Variants in PDS5A observed in about 807,000 individuals in gnomAD.
The protein encoded by PDS5A is PDS5 cohesin associated factor A.
Under a neutral mutation model 167.1 loss-of-function variants are expected in PDS5A, and 42 were observed. The observed-to-expected ratio is 0.25, with a 90% CI of 0.20 to 0.33. The LOEUF (loss-of-function observed/expected upper bound fraction) is 0.33. PDS5A is among the 10% of genes least tolerant of loss of function. The probability of loss-of-function intolerance (pLI) is 1.00; values close to 1 mark genes in which losing one functional copy is unlikely to be tolerated. For synonymous variants in PDS5A, 553 were observed against 554.6 expected (o/e 1.00, Z 0.04); for missense variants, 1,033 against 1,605.9 (o/e 0.64, Z 6.10).
In PDS5A at chr4:39,976,660, T is replaced by A; in HGVS notation, c.-40-43A>T. ...AAAGTTCAGCGGGAAAGGGGCGACT[T>A]TGTAACCTCTTTTTTCATTTCAAAT... On this transcript the variant is annotated intron_variant, in intron 1 of 32. Coordinates refer to ENST00000303538, the MANE Select transcript of PDS5A (RefSeq NM_001100399.2). 3.0e-6 allele frequency: 3 copies of A among 991,626 alleles called. No homozygotes were observed. The South Asian group carries it at 4.9e-5, about 16-fold the overall frequency. The allele number at this position is 991,626 out of a possible 1,614,324, so 61.4% of individuals were successfully genotyped here.
Position 39,863,324 on chromosome 4 carries a change from AT to A in PDS5A, c.2766+11del. 3.8e-6 allele frequency: 6 copies of A among 1,566,180 alleles called. No individual in the cohort carries two copies. The highest frequency in any genetic ancestry group is 5.2e-6 in the Non-Finnish European group (6 of 1,156,062). On this transcript the variant is annotated intron_variant, in intron 24 of 32. Transcript: ENST00000303538. ...AAGATAAGTAATTGACAAAAATAAG[AT>A]TGTTACTTACATTAATAACAAGTGC...
chr4:39,952,145 C>T (rs1053340538), intron 2 of PDS5A, among the ~76,000 whole-genome samples: 2 of 151,786 alleles, frequency 1.3e-5, no homozygotes, highest in Admixed American at 6.6e-5. Flanking sequence ...GCATGGCCAA[C>T]ATTGTGAAAC....
chr4:39,950,017 T>C (rs1728197339), intron 2 of PDS5A, among the ~76,000 whole-genome samples: 1 of 151,944 alleles, frequency 6.6e-6, no homozygotes, highest in Admixed American at 6.6e-5. Context: ...GTGATTCTCC[T>C]GCCTCAGCCT....
intron 28 of PDS5A, chr4:39,846,960 CATAAAG>C (rs1007688023): frequency 1.1e-4 from 16 of 152,118 alleles, no homozygotes; most frequent in African/African-American, 3.1e-4. Context: ...TCACTTCATT[CATAAAG>C]ATATAGTATA....
chr4:39,915,428 C>T (rs1724284255), intron 8 of PDS5A, among the ~76,000 whole-genome samples: 1 of 147,234 alleles, frequency 6.8e-6, no homozygotes, highest in Admixed American at 6.9e-5. Flanking sequence ...GGAGCAACCT[C>T]GGTTCACTAT....
At chr4:39,853,670 A>C (rs546077896) in intron 26 of PDS5A, among the ~76,000 whole-genome samples, 1 of 152,116 alleles carries the variant, frequency 6.6e-6, no homozygotes, top group South Asian at 2.1e-4. Context: ...TGAAGACCTC[A>C]CCTCAATTTA....
Position 39,823,816 on chromosome 4 carries a change from C to T in PDS5A, c.*1669G>A, listed in dbSNP as rs572694100. 119 of 152,678 alleles carry T rather than the reference C, an allele frequency of 7.8e-4. No homozygotes were observed. The highest frequency in any genetic ancestry group is 2.7e-3 in the African/African-American group (114 of 41,534). The allele number at this position is 152,678 out of a possible 1,614,324, so 9.5% of individuals were successfully genotyped here. ...TCTGATACCTAAATGTGTGTAAATGCATATTTAAAATAATTACCCATCTTT... is the reference window on the plus strand; with the variant it reads ...TCTGATACCTAAATGTGTGTAAATGTATATTTAAAATAATTACCCATCTTT... On this transcript the variant is annotated 3_prime_UTR_variant, in exon 33 of 33. Transcript: ENST00000303538.
chr4:39,896,426 A>C (rs1016677341), intron 16 of PDS5A, among the ~76,000 whole-genome samples: 1 of 151,374 alleles, frequency 6.6e-6, no homozygotes, highest in African/African-American at 2.4e-5. Flanking sequence ...GCTGTACACA[A>C]AATGGTTTCT....
intron 19 of PDS5A, among the ~76,000 whole-genome samples, chr4:39,875,036 T>C (rs967183720): frequency 1.3e-5 from 2 of 152,188 alleles, no homozygotes; most frequent in Non-Finnish European, 2.9e-5. Flanking sequence ...AGCACAAAGA[T>C]GTTATTTAAG....
chr4:39,912,808 T>C (rs1011736938), intron 9 of PDS5A, among the ~76,000 whole-genome samples: 1 of 152,228 alleles, frequency 6.6e-6, no homozygotes, highest in African/African-American at 2.4e-5. Flanking sequence ...ATTTAGTCAT[T>C]CTAAGCTCTT....
Position 39,922,748 on chromosome 4 carries a change from G to C in PDS5A, c.528C>G (p.Asn176Lys). The change falls in exon 6 of 33, where the codon AAC becomes AAG. Residue 176 changes from asparagine (N) to lysine (K), a missense_variant and splice_region_variant. Around this residue, in one of 4 missense-constraint regions of PDS5A, gnomAD observed 388 missense variants for 615.1 expected, o/e 0.63. Transcript: ENST00000303538. The part of the protein sequence containing the change: ...QLFRTLFSVI[N>K]NSHNKKVQMH... The stretch of plus-strand genomic sequence containing the variant: ...TTTGTACCTTCTTATTGTGGCTATT[G>C]CTATAAAAAAAAAAAAAAAAGAATA... 7.4e-7 allele frequency: 1 copy of C among 1,348,706 alleles called. No homozygotes were observed. Among genetic ancestry groups the C allele is most frequent in the Non-Finnish European group, 9.5e-7 (1 of 1,049,998 alleles). The allele number at this position is 1,348,706 out of a possible 1,614,324, so 83.5% of individuals were successfully genotyped here.
At chr4:39,895,199 CAAAAAAAAAAAA>C (rs34303340) in intron 16 of PDS5A, among the ~76,000 whole-genome samples, 7,185 of 93,612 alleles carry the variant, frequency 0.077, 307 homozygotes, top group East Asian at 0.32. Flanking sequence ...GACTCCGTCT[CAAAAAAAAAAAA>C]AAAAAAAAAA....
At chr4:39,922,957 A>G (rs1249695674) in intron 5 of PDS5A, among the ~76,000 whole-genome samples, 2 of 152,198 alleles carry the variant, frequency 1.3e-5, no homozygotes, top group East Asian at 3.8e-4. Flanking sequence ...GTTGTAAGGT[A>G]CTGTTGTATT....
rs1002292220 is a variant in PDS5A, at chr4:39,873,605, T to C, written c.2278-461A>G. 1.9e-4 allele frequency among the ~76,000 whole-genome samples: 26 copies of C among 136,764 alleles called. No individual in the cohort carries two copies. The East Asian group carries it at 2.9e-3, about 15-fold the overall frequency. 89.7% of individuals were successfully genotyped at this position (136,764 alleles called of 152,430 possible). A position where few individuals can be genotyped will look rare whatever the true frequency, so the allele number is the denominator to read the frequency against. ...TAGTAAAATGAGGCCAGTCATTATA[T>C]GTAAAAAAAAGGGAAACAGGATTAA... On this transcript the variant is annotated intron_variant, in intron 20 of 32. Coordinates refer to ENST00000303538, the MANE Select transcript of PDS5A (RefSeq NM_001100399.2).
chr4:39,908,900 T>G (rs933731138), intron 10 of PDS5A: 1 of 193,086 alleles, frequency 5.2e-6, no homozygotes. Context: ...TAGCCAGAAG[T>G]GTAGTGGCCC....
intron 17 of PDS5A, among the ~76,000 whole-genome samples, chr4:39,887,201 G>A (rs1323039548): frequency 6.6e-6 from 1 of 152,124 alleles, no homozygotes; most frequent in Non-Finnish European, 1.5e-5. Flanking sequence ...GGTATTAGAT[G>A]AAAGCCTTTC....
At chr4:39,861,368 G>C (rs1247381327) in intron 26 of PDS5A, among the ~76,000 whole-genome samples, 1 of 152,128 alleles carries the variant, frequency 6.6e-6, no homozygotes, top group East Asian at 1.9e-4. Context: ...TGAGATGGGA[G>C]AATCACTTGA....
intron 2 of PDS5A, among the ~76,000 whole-genome samples, chr4:39,965,366 C>G (rs373050207): frequency 6.6e-6 from 1 of 152,298 alleles, no homozygotes; most frequent in East Asian, 1.9e-4. Flanking sequence ...CCAATCTAGT[C>G]ACTAGTTGAA....
At chr4:39,854,289 C>A (rs903644540) in intron 26 of PDS5A, among the ~76,000 whole-genome samples, 1 of 152,080 alleles carries the variant, frequency 6.6e-6, no homozygotes, top group Non-Finnish European at 1.5e-5. Flanking sequence ...GGCGACAGAA[C>A]GAGACTCCAT....
Sources: allele counts gnomAD v4.1 joint callset (sites outside exome capture counted in the v4.1 genomes callset), GRCh38; gene constraint gnomAD v4.1.1; regional missense constraint gnomAD v4.1.1; transcripts MANE v1.5; gene names NCBI Gene and HGNC (gene_info 2026-07-23, HGNC 2026-07-21).